ADAMTS2: variants seen among roughly 807,000 people sequenced by gnomAD.
ADAMTS2 encodes A disintegrin and metalloproteinase with thrombospondin motifs 2.
Under a neutral mutation model 123.0 loss-of-function variants are expected in ADAMTS2, and 50 were observed. The ratio of observed to expected loss-of-function variants is 0.41; its 90% CI spans 0.32 to 0.51. The LOEUF (loss-of-function observed/expected upper bound fraction) is 0.51. Among genes scored for constraint, ADAMTS2 ranks in the 20% least tolerant of loss-of-function variants. ADAMTS2 has a pLI of 0.35. For synonymous variants in ADAMTS2, 678 were observed against 695.4 expected (o/e 0.98, Z 0.39); for missense variants, 1,494 against 1,705.2 (o/e 0.88, Z 2.18).
chr5:179,273,574 A>C (rs551576441), intron 2 of ADAMTS2, among the ~76,000 whole-genome samples: 1 of 152,190 alleles, frequency 6.6e-6, no homozygotes, highest in Non-Finnish European at 1.5e-5. Context: ...TGAAGCTAAC[A>C]CTCAGAATGA....
At chr5:179,291,224 C>A (rs1416408604) in intron 2 of ADAMTS2, among the ~76,000 whole-genome samples, 1 of 152,226 alleles carries the variant, frequency 6.6e-6, no homozygotes, top group Non-Finnish European at 1.5e-5. Context: ...AAGCCTCAAG[C>A]CTGAGTGGCA....
At chr5:179,159,989 C>T (rs1195037910) in intron 5 of ADAMTS2, among the ~76,000 whole-genome samples, 1 of 152,198 alleles carries the variant, frequency 6.6e-6, no homozygotes, top group Admixed American at 6.5e-5. Flanking sequence ...AAGTAGTTCC[C>T]TCCAAGAGAA....
At chr5:179,190,268 C>T (rs12653014) in intron 4 of ADAMTS2, among the ~76,000 whole-genome samples, 5,124 of 152,088 alleles carry the variant, frequency 0.034, 139 homozygotes, top group East Asian at 0.091. Flanking sequence ...AGGGCTGCTT[C>T]GAGCAGGATT....
At chr5:179,124,818 C>T (rs904384823) in intron 19 of ADAMTS2, among the ~76,000 whole-genome samples, 155 bp downstream of exon 19, 8 of 151,736 alleles carry the variant, frequency 5.3e-5, no homozygotes, top group East Asian at 2.0e-4. Flanking sequence ...GCTGCAGGCC[C>T]GGCGGCTCTC....
At chr5:179,236,170 A>G (rs1331694159) in intron 3 of ADAMTS2, among the ~76,000 whole-genome samples, 2 of 152,332 alleles carry the variant, frequency 1.3e-5, no homozygotes, top group East Asian at 3.9e-4. Flanking sequence ...CTTGGGAGCA[A>G]TGATGGGCAT....
Position 179,121,710 on chromosome 5 carries a change from C to A in ADAMTS2, c.3129G>T (p.Gln1043His). 1 of 1,595,714 alleles carries A rather than the reference C, an allele frequency of 6.3e-7. No homozygotes were observed. The highest frequency in any genetic ancestry group is 8.5e-7 in the Non-Finnish European group (1 of 1,171,172). Reference sequence around the variant, plus strand: ...AGTCGGGGTCCGGGCGGGACAGCCACTGAACTACGTAGCTCTTCTTGGAGG... The same window carrying A: ...AGTCGGGGTCCGGGCGGGACAGCCAATGAACTACGTAGCTCTTCTTGGAGG... ...SDPSKKSYVVQWLSRPDPDSP... is the reference protein window; with the variant it reads ...SDPSKKSYVVHWLSRPDPDSP... Residue 1043 changes from glutamine (Q) to histidine (H), a missense_variant, in exon 21 of 22, where the codon CAG (glutamine) becomes CAT (histidine). By Grantham distance (24) the Gln-to-His change is conservative. This residue lies in a region of ADAMTS2 where 953 missense variants were observed against 1,124.7 expected (regional missense o/e 0.85). Coordinates refer to ENST00000251582, the MANE Select transcript of ADAMTS2 (RefSeq NM_014244.5).
rs1160662564 is a variant in ADAMTS2, at chr5:179,155,521, AG to A, written c.1133-603del. 2.0e-5 allele frequency among the ~76,000 whole-genome samples: 3 copies of A among 152,264 alleles called. No individual in the cohort carries two copies. Among genetic ancestry groups the A allele is most frequent in the Admixed American group, 2.0e-4 (3 of 15,302 alleles). The stretch of plus-strand genomic sequence containing the variant: ...ACACTACCCTGCAGAATATCCCAGC[AG>A]GGGGCTGGCTGGTGCGGACTGGGAG... On this transcript the variant is annotated intron_variant, in intron 6 of 21. Coordinates refer to ENST00000251582, the MANE Select transcript of ADAMTS2 (RefSeq NM_014244.5). The surrounding 1 kb of genome is among the most constrained non-coding windows in gnomAD (Gnocchi z 5.1).
intron 3 of ADAMTS2, among the ~76,000 whole-genome samples, chr5:179,215,619 G>A (rs980150448): frequency 6.6e-6 from 1 of 152,178 alleles, no homozygotes; most frequent in African/African-American, 2.4e-5. Flanking sequence ...AAGCCTCCAA[G>A]GATAGGCAGA....
At chr5:179,164,550 G>A (rs377743328) in intron 5 of ADAMTS2, among the ~76,000 whole-genome samples, 1 of 152,330 alleles carries the variant, frequency 6.6e-6, no homozygotes, top group East Asian at 1.9e-4. Flanking sequence ...GAGGCGGCGC[G>A]GGAAGGGGAC....
Position 179,299,574 on chromosome 5 carries a change from C to T in ADAMTS2, c.535-26510G>A, listed in dbSNP as rs572477096. On this transcript the variant is annotated intron_variant, in intron 2 of 21. Coordinates refer to ENST00000251582, the MANE Select transcript of ADAMTS2 (RefSeq NM_014244.5). ...ACACACACACACATTTATTATCTGA[C>T]AGTTCTAGAGATCTGAAGTCCACAA... is the stretch of plus-strand genomic sequence containing the variant. 6.3e-5 allele frequency among the ~76,000 whole-genome samples: 7 copies of T among 111,702 alleles called. No individual in the cohort carries two copies. In the East Asian group the frequency reaches 9.3e-4, roughly 15 times the overall value. The allele number at this position is 111,702 out of a possible 152,430, so 73.3% of individuals were successfully genotyped here.
intron 3 of ADAMTS2, among the ~76,000 whole-genome samples, chr5:179,209,781 G>A (rs951695529): frequency 1.3e-5 from 2 of 152,186 alleles, no homozygotes; most frequent in Admixed American, 6.5e-5. Context: ...GGGGGGTTGA[G>A]GAATCGCCAC....
chr5:179,274,423 A>G (rs73333245), intron 2 of ADAMTS2, among the ~76,000 whole-genome samples: 14,441 of 152,298 alleles, frequency 0.095, 2,256 homozygotes, highest in African/African-American at 0.33. Context: ...TGGCATTTCC[A>G]GCACCCATCG....
chr5:179,113,936 C>T lies in ADAMTS2; in HGVS notation c.3567G>A (p.Lys1189=). ...LIPRRPSPYE[K]TRNQRIQELI... ...GCTCTTGGATTCTTTGGTTTCTGGT[C>T]TTTTCATAGGGGCTCGGTCGTCGAG... is the stretch of plus-strand genomic sequence containing the variant. Residue 1189 remains lysine, a synonymous_variant, in exon 22 of 22, where the codon AAG becomes AAA. Coordinates refer to ENST00000251582, the MANE Select transcript of ADAMTS2 (RefSeq NM_014244.5). 3.7e-6 allele frequency: 6 copies of T among 1,614,180 alleles called. No homozygotes were observed. Among genetic ancestry groups the T allele is most frequent in the Non-Finnish European group, 5.1e-6 (6 of 1,180,036 alleles).
chr5:179,257,086 G>T (rs1334497050), intron 3 of ADAMTS2, among the ~76,000 whole-genome samples: 1 of 152,186 alleles, frequency 6.6e-6, no homozygotes, highest in Non-Finnish European at 1.5e-5. Flanking sequence ...TGGTCCCCGG[G>T]GTCTCTGTCA....
At chr5:179,207,475 T>TACCCCCCC in intron 4 of ADAMTS2, 38 bp downstream of exon 4, 4 of 588,618 alleles carry the variant, frequency 6.8e-6, no homozygotes, top group South Asian at 1.5e-5. Flanking sequence ...TGGTTGACCC[T>TACCCCCCC]CCCCGCCCCA....
intron 3 of ADAMTS2, among the ~76,000 whole-genome samples, chr5:179,227,506 C>T (rs1003001393): frequency 1.3e-5 from 2 of 152,166 alleles, no homozygotes; most frequent in Admixed American, 6.5e-5. Context: ...GCTGGCACGG[C>T]AGTATCTGGT....
rs1368087655 is a variant in ADAMTS2 at position 179,126,090 on chromosome 5, G to A, written c.2658C>T (p.Asp886=). ...FTKYGCRRRL[D]HKMVHRGFCA... is the part of the protein sequence containing the mutation. ...AGAAGCCACGGTGTACCATCTTGTGGTCCAGCCTCCGGCGGCAGCCATACT... is the reference window on the plus strand; with the variant it reads ...AGAAGCCACGGTGTACCATCTTGTGATCCAGCCTCCGGCGGCAGCCATACT... The change falls in exon 18 of 22, where the codon GAC becomes GAT. Residue 886 remains aspartate, a synonymous_variant. Transcript: ENST00000251582. The A allele has an allele frequency of 6.2e-7, 1 of 1,613,168 alleles. No individual in the cohort carries two copies. The highest frequency in any genetic ancestry group is 1.7e-5 in the Admixed American group (1 of 60,030).
At position 179,115,520 on chromosome 5, in the gene ADAMTS2, C is replaced by T. The variant is rs73342585; in HGVS notation, c.3179-1196G>A. On this transcript the variant is annotated intron_variant, in intron 21 of 21. Transcript: ENST00000251582. This position sits in a 1 kb window ranked among gnomAD's most constrained non-coding sequence, Gnocchi z 4.4. Reference sequence around the variant, plus strand: ...TACTCTCCACAGTGATGACTTCAGACCTTTCCCACACAAACCCCCGACGTG... The same window carrying T: ...TACTCTCCACAGTGATGACTTCAGATCTTTCCCACACAAACCCCCGACGTG... Among the ~76,000 whole-genome samples the T allele has an allele frequency of 0.014, 2,137 of 152,244 alleles. 44 individuals are homozygous for T. The highest frequency in any genetic ancestry group is 0.048 in the African/African-American group (1,979 of 41,524).
In ADAMTS2 at chr5:179,260,199, A is replaced by G. The variant is rs1766179386; in HGVS notation, c.688+12712T>C. Among the ~76,000 whole-genome samples, 1 of 152,176 alleles carries G rather than the reference A, an allele frequency of 6.6e-6. No individual in the cohort carries two copies. The highest frequency in any genetic ancestry group is 6.5e-5 in the Admixed American group (1 of 15,286). On this transcript the variant is annotated intron_variant, in intron 3 of 21. Transcript: ENST00000251582. This position sits in a 1 kb window ranked among gnomAD's most constrained non-coding sequence, Gnocchi z 4.2. Reference sequence around the variant, plus strand: ...GCAGCCCTGACACTGTGGCAACAACAGGAGGCGTCAGTGCCAAGCCCTCCA... The same window carrying G: ...GCAGCCCTGACACTGTGGCAACAACGGGAGGCGTCAGTGCCAAGCCCTCCA...
Sources: gnomAD v4.1 joint callset for allele counts (sites outside exome capture counted in the v4.1 genomes callset) on GRCh38, gnomAD v4.1.1 for gene constraint, gnomAD v4.1.1 regional missense constraint, Gnocchi (gnomAD v3.1) non-coding constraint, MANE v1.5 for transcripts, NCBI Gene and HGNC (gene_info 2026-07-23, HGNC 2026-07-21) for gene names.